The following PRTG variants were observed in gnomAD, a reference collection of about 807,000 sequenced individuals.
The protein encoded by PRTG is protogenin.
Under a neutral mutation model 122.5 loss-of-function variants are expected in PRTG, and 67 were observed. That is an observed-to-expected ratio of 0.55 (90% CI 0.45 to 0.67). The LOEUF is 0.67. Among genes scored for constraint, PRTG ranks in the 30% least tolerant of loss-of-function variants. The pLI is 0.00. For synonymous variants in PRTG, 554 were observed against 501.1 expected, an observed-to-expected ratio of 1.11 and a Z score of -1.41; for missense variants, 1,435 against 1,415.4, an observed-to-expected ratio of 1.01 and a Z score of -0.22.
At position 55,641,125 on chromosome 15, in the gene PRTG, G is replaced by C. The variant is rs1387137374; in HGVS notation, c.2125C>G (p.Pro709Ala). ...GGCTTTCACTTACACACGCATCCTG[G>C]AGTGCTGACAGTCTGATCTGCCTGA... is the stretch of plus-strand genomic sequence containing the variant. ...GYQADQTVST[P>A]GCVSVRDRMV... is the part of the protein sequence containing the mutation. The change falls in exon 12 of 20, where the codon CCA becomes GCA. Residue 709 changes from proline (P) to alanine (A), a missense_variant. Physicochemically the swap from Pro to Ala is conservative, Grantham distance 27. Coordinates refer to ENST00000389286, the MANE Select transcript of PRTG (RefSeq NM_173814.6). 6.2e-7 allele frequency: 1 copy of C among 1,612,670 alleles called. No individual in the cohort carries two copies. The highest frequency in any genetic ancestry group is 8.5e-7 in the Non-Finnish European group (1 of 1,178,680).
At chr15:55,721,094 G>A (rs918812749) in intron 2 of PRTG, among the ~76,000 whole-genome samples, 10 of 152,102 alleles carry the variant, frequency 6.6e-5, no homozygotes, top group Admixed American at 2.6e-4. Flanking sequence ...TCACCCAAAC[G>A]AAATACTGGC....
chr15:55,645,433 C>CAAAAAAAAAAAAAAAAAAA (rs374791424), intron 11 of PRTG, among the ~76,000 whole-genome samples: 33 of 18,908 alleles, frequency 1.7e-3, no homozygotes, highest in East Asian at 7.8e-3. Flanking sequence ...AACTCCGTCT[C>CAAAAAAAAAAAAAAAAAAA]AAAAAAAAAA....
chr15:55,733,330 G>C (rs552160471), intron 2 of PRTG, among the ~76,000 whole-genome samples: 1 of 151,816 alleles, frequency 6.6e-6, no homozygotes, highest in East Asian at 1.9e-4. Context: ...GACCAACGTG[G>C]AGAAACCCTG....
Position 55,639,797 on chromosome 15 carries a change from T to A in PRTG, c.2169A>T (p.Pro723=). Residue 723 remains proline, a synonymous_variant, in exon 13 of 20, where the codon CCA becomes CCT. Transcript: ENST00000389286. ...CCTTCGCATAGAGATGGTGGGGTGG[T>A]GGTGGAGGAGGGACCATGCGATCAC... ...SVRDRMVPPP[P]PPHHLYAKAN... is the part of the protein sequence containing the mutation. The A allele has an allele frequency of 4.3e-6, 7 of 1,614,072 alleles. No individual in the cohort carries two copies. The highest frequency in any genetic ancestry group is 5.9e-6 in the Non-Finnish European group (7 of 1,180,002).
chr15:55,719,082 T>C (rs1200539046), intron 2 of PRTG, among the ~76,000 whole-genome samples: 1 of 152,152 alleles, frequency 6.6e-6, no homozygotes, highest in Non-Finnish European at 1.5e-5. Flanking sequence ...TACACATATA[T>C]AACTGGTTCT....
At chr15:55,693,300 C>T (rs2141831700) in intron 2 of PRTG, among the ~76,000 whole-genome samples, 1 of 152,186 alleles carries the variant, frequency 6.6e-6, no homozygotes, top group African/African-American at 2.4e-5. Context: ...CTACTAAAAA[C>T]ACGAAATCAG....
At chr15:55,624,276 C>T in intron 18 of PRTG, 66 bp downstream of exon 18, 1 of 1,448,790 alleles carries the variant, frequency 6.9e-7, no homozygotes, top group Non-Finnish European at 9.5e-7. Context: ...GGGGGAAGTA[C>T]ATTTTACACA....
At chr15:55,711,901 A>T (rs567758432) in intron 2 of PRTG, among the ~76,000 whole-genome samples, 125 of 152,350 alleles carry the variant, frequency 8.2e-4, no homozygotes, top group African/African-American at 3.0e-3. Context: ...CCCCAATTTT[A>T]AAAAATTGCT....
rs1446229115 is a variant in PRTG, at chr15:55,614,185, G to C, written c.*5827C>G. 1 of 152,034 alleles carries C rather than the reference G, an allele frequency of 6.6e-6. No individual in the cohort carries two copies. Among genetic ancestry groups the C allele is most frequent in the Non-Finnish European group, 1.5e-5 (1 of 67,970 alleles). 9.4% of individuals were successfully genotyped at this position (152,034 alleles called of 1,614,324 possible). A position where few individuals can be genotyped will look rare whatever the true frequency, so the allele number is the denominator to read the frequency against. Reference sequence around the variant, plus strand: ...AAAGTTCAAAGAGGGCCAGACTTGCGATGATCCAGAAATTAGAAGAAACTA... The same window carrying C: ...AAAGTTCAAAGAGGGCCAGACTTGCCATGATCCAGAAATTAGAAGAAACTA... On this transcript the variant is annotated 3_prime_UTR_variant, in exon 20 of 20. Transcript: ENST00000389286.
At chr15:55,727,845 T>C (rs1272947647) in intron 2 of PRTG, among the ~76,000 whole-genome samples, 1 of 152,118 alleles carries the variant, frequency 6.6e-6, no homozygotes, top group Non-Finnish European at 1.5e-5. Context: ...ACCAGGTGAC[T>C]TCACAAGTGA....
rs1215618627 is a variant in PRTG at position 55,612,040 on chromosome 15, C to T, written c.*7972G>A. On this transcript the variant is annotated 3_prime_UTR_variant, in exon 20 of 20. Coordinates refer to ENST00000389286, the MANE Select transcript of PRTG (RefSeq NM_173814.6). ...AATAGAAAAAAAAAAATCATACACA[C>T]AGACATAAAATTTTGTCCAACAACA... 3 of 151,906 alleles carry T rather than the reference C, an allele frequency of 2.0e-5. No homozygotes were observed. In the East Asian group the frequency reaches 5.8e-4, roughly 29 times the overall value. The allele number at this position is 151,906 out of a possible 1,614,324, so 9.4% of individuals were successfully genotyped here.
intron 15 of PRTG, 34 bp downstream of exon 15, chr15:55,637,136 C>T (rs2059261827): frequency 7.1e-7 from 1 of 1,404,140 alleles, no homozygotes; most frequent in East Asian, 2.5e-5. Context: ...AATAATCGTA[C>T]TTTTCACCCT....
intron 14 of PRTG, 113 bp downstream of exon 14, chr15:55,638,436 C>T: frequency 1.5e-6 from 1 of 663,240 alleles, no homozygotes; most frequent in Non-Finnish European, 2.4e-6. Context: ...ATACATATAT[C>T]AAGTGGTAGG....
At position 55,629,097 on chromosome 15, in the gene PRTG, T is replaced by C. The variant is rs554213944; in HGVS notation, c.2624-93A>G. 9 of 777,644 alleles carry C rather than the reference T, an allele frequency of 1.2e-5. No homozygotes were observed. The Admixed American group carries it at 1.8e-4, about 16-fold the overall frequency. 48.2% of individuals were successfully genotyped at this position (777,644 alleles called of 1,614,324 possible). The stretch of plus-strand genomic sequence containing the variant: ...CACGTTCCTTTATTTTTAAAAATAT[T>C]TTTCTGATTATAAAGATGACACATA... On this transcript the variant is annotated intron_variant, in intron 15 of 19. Transcript: ENST00000389286.
intron 2 of PRTG, chr15:55,738,801 GAGGAAGGA>G (rs200002904): frequency 5.3e-5 from 12 of 227,560 alleles, no homozygotes; most frequent in South Asian, 4.9e-4. Flanking sequence ...GGAAGGTAGG[GAGGAAGGA>G]AGGAAGGAAG....
chr15:55,682,224 TA>T, intron 4 of PRTG, 139 bp downstream of exon 4: 1 of 675,200 alleles, frequency 1.5e-6, no homozygotes, highest in Non-Finnish European at 2.1e-6. Flanking sequence ...GCTTAATAAC[TA>T]AAAATGACCA....
At chr15:55,648,006 G>A (rs1255446150) in intron 11 of PRTG, among the ~76,000 whole-genome samples, 1 of 152,160 alleles carries the variant, frequency 6.6e-6, no homozygotes, top group African/African-American at 2.4e-5. Context: ...ATGTCACATG[G>A]TATATATTCC....
At chr15:55,690,173 T>C (rs1169197346) in intron 2 of PRTG, among the ~76,000 whole-genome samples, 9 of 152,226 alleles carry the variant, frequency 5.9e-5, no homozygotes, top group Admixed American at 5.9e-4. Context: ...GCTGATAGGC[T>C]CTGAGTCATA....
At chr15:55,627,619 C>T (rs868179019) in intron 16 of PRTG, among the ~76,000 whole-genome samples, 8 of 151,476 alleles carry the variant, frequency 5.3e-5, no homozygotes, top group East Asian at 1.9e-4. Context: ...GGATTACAGG[C>T]GTGAGCCACC....
Sources: gnomAD v4.1 joint callset for allele counts (sites outside exome capture counted in the v4.1 genomes callset) on GRCh38, gnomAD v4.1.1 for gene constraint, MANE v1.5 for transcripts, NCBI Gene and HGNC (gene_info 2026-07-23, HGNC 2026-07-21) for gene names.